Variants in SYNE1 observed in about 807,000 individuals in gnomAD.
SYNE1 encodes the protein spectrin repeat containing nuclear envelope protein 1.
A neutral mutation model predicts 1,111.0 loss-of-function variants in SYNE1; 616 were observed. That is an observed-to-expected ratio of 0.55 (90% CI 0.52 to 0.59). SYNE1 has a LOEUF of 0.59. SYNE1 is among the 20% of genes least tolerant of loss of function. The pLI, the probability that SYNE1 is intolerant of heterozygous loss-of-function variation, is 0.00. For synonymous variants in SYNE1, 3,855 were observed against 3,825.8 expected (o/e 1.01, Z -0.28); for missense variants, 10,006 against 10,417.0 (o/e 0.96, Z 1.72).
At chr6:152,622,546 G>T (rs2099677856) in intron 3 of SYNE1, among the ~76,000 whole-genome samples, 1 of 152,052 alleles carries the variant, frequency 6.6e-6, no homozygotes, top group Non-Finnish European at 1.5e-5. Context: ...GTATCAGTTT[G>T]CTAAGGATAA....
intron 53 of SYNE1, 98 bp from the exon 54 acceptor site, chr6:152,387,479 G>A: frequency 8.2e-7 from 1 of 1,222,818 alleles, no homozygotes; most frequent in Non-Finnish European, 1.2e-6. Context: ...TTGTTTTATT[G>A]AATGCTACTG....
In SYNE1 at chr6:152,428,205, C is replaced by T. The variant is rs111428582; in HGVS notation, c.4976G>A (p.Arg1659Lys). ...CAACTCAAGGAAAAGTGCTGCTCAC[C>T]TCTGCCAGTGGGCCAGCAGATTCTC... ...ALENLLAHWQRLEKELSSFLT... is the reference protein window; with the variant it reads ...ALENLLAHWQKLEKELSSFLT... The change falls in exon 37 of 146, where the codon AGG (arginine) becomes AAG (lysine). Residue 1659 changes from arginine (R) to lysine (K), a missense_variant and splice_region_variant. Arg to Lys is a conservative substitution (Grantham distance 26). Around this residue, in one of 7 missense-constraint regions of SYNE1, gnomAD observed 1,971 missense variants for 2,084.1 expected, o/e 0.95. Coordinates refer to ENST00000367255, the MANE Select transcript of SYNE1 (RefSeq NM_182961.4). The T allele has an allele frequency of 8.1e-6, 13 of 1,613,252 alleles. No individual in the cohort carries two copies. The African/African-American group carries it at 9.3e-5, about 12-fold the overall frequency.
At chr6:152,444,302 GC>G in intron 30 of SYNE1, 108 bp downstream of exon 30, 3 of 1,242,830 alleles carry the variant, frequency 2.4e-6, no homozygotes, top group South Asian at 1.2e-5. Flanking sequence ...TCCTTCCCAT[GC>G]CCCCTCACCC....
intron 22 of SYNE1, chr6:152,456,520 T>G (rs531150844): frequency 7.4e-4 from 138 of 185,960 alleles, no homozygotes; most frequent in African/African-American, 3.1e-3. Context: ...TATCCTAAAT[T>G]TATAATATTT....
intron 102 of SYNE1, among the ~76,000 whole-genome samples, chr6:152,256,294 G>T (rs1292043900): frequency 1.3e-5 from 2 of 151,772 alleles, no homozygotes; most frequent in Non-Finnish European, 1.5e-5. Flanking sequence ...GCCAGGTGTG[G>T]TGGCACACGC....
chr6:152,558,976 TTTTATTTA>T (rs76946853), intron 3 of SYNE1, among the ~76,000 whole-genome samples: 34,439 of 139,830 alleles, frequency 0.25, 4,126 homozygotes, highest in Middle Eastern at 0.31. Flanking sequence ...CATATTTAAT[TTTTATTTA>T]TTTATTTATT....
rs747955478 is a variant in SYNE1, at chr6:152,498,700, T to C, written c.939+42A>G. ...GACTAAAATGCTACAGAATGCAGGA[T>C]GTTTGAAAGAGGTCATCAATGCAAG... On this transcript the variant is annotated intron_variant, in intron 11 of 145. Coordinates refer to ENST00000367255, the MANE Select transcript of SYNE1 (RefSeq NM_182961.4). The C allele has an allele frequency of 5.9e-6, 8 of 1,357,862 alleles. No homozygotes were observed. The East Asian group carries it at 1.2e-4, about 20-fold the overall frequency. The allele number at this position is 1,357,862 out of a possible 1,614,324, so 84.1% of individuals were successfully genotyped here.
intron 137 of SYNE1, 31 bp from the exon 138 acceptor site, chr6:152,143,796 G>C (rs2058954216): frequency 1.2e-6 from 2 of 1,614,018 alleles, no homozygotes; most frequent in Non-Finnish European, 1.7e-6. Flanking sequence ...ATCTTTACTG[G>C]ACAAACTATT....
intron 87 of SYNE1, among the ~76,000 whole-genome samples, chr6:152,313,464 C>CTTTTTTT: frequency 7.4e-6 from 1 of 135,640 alleles, no homozygotes; most frequent in Non-Finnish European, 1.6e-5. Flanking sequence ...ATTTTCTTTT[C>CTTTTTTT]TTTTTTTTTT....
intron 58 of SYNE1, among the ~76,000 whole-genome samples, chr6:152,375,015 A>G (rs2097255720): frequency 6.6e-6 from 1 of 151,738 alleles, no homozygotes; most frequent in Admixed American, 6.6e-5. Context: ...ATCTTGGCTC[A>G]CTGCAATCTC....
Position 152,455,547 on chromosome 6 carries a change from G to A in SYNE1, c.2771C>T (p.Thr924Ile). 1 of 1,614,102 alleles carries A rather than the reference G, an allele frequency of 6.2e-7. No homozygotes were observed. The highest frequency in any genetic ancestry group is 1.3e-5 in the African/African-American group (1 of 75,020). Residue 924 changes from threonine to isoleucine, a missense_variant, in exon 24 of 146, where the codon ACC becomes ATC. This residue lies in a region of SYNE1 where 1,971 missense variants were observed against 2,084.1 expected (regional missense o/e 0.95). Coordinates refer to ENST00000367255, the MANE Select transcript of SYNE1 (RefSeq NM_182961.4). Reference sequence around the variant, plus strand: ...AAACTTCTTCATCAAGCGACTGTTGGTTTCCACATGCTTCTTCCAATCTCC... The same window carrying A: ...AAACTTCTTCATCAAGCGACTGTTGATTTCCACATGCTTCTTCCAATCTCC... ...KTGDWKKHVETNSRLMKKFEE... is the reference protein window; with the variant it reads ...KTGDWKKHVEINSRLMKKFEE...
In SYNE1 at chr6:152,632,883, TC is replaced by T. The variant is rs543466677; in HGVS notation, c.-224+3754del. Among the ~76,000 whole-genome samples the T allele has an allele frequency of 1.6e-3, 244 of 152,238 alleles. 1 individual carries two copies. The highest frequency in any genetic ancestry group is 5.7e-3 in the African/African-American group (237 of 41,544). Reference sequence around the variant, plus strand: ...CTAGTTTCCATTTTCCTTCCCCTGTTCCCAGTTTCTCCAGCTGCAATATGAG... The same window carrying T: ...CTAGTTTCCATTTTCCTTCCCCTGTTCCAGTTTCTCCAGCTGCAATATGAG... On this transcript the variant is annotated intron_variant, in intron 2 of 145. Transcript: ENST00000367255.
chr6:152,447,489 G>T lies in SYNE1; in HGVS notation c.3638C>A (p.Ser1213Tyr), dbSNP rs1226690928. 2 of 1,614,104 alleles carry T rather than the reference G, an allele frequency of 1.2e-6. No homozygotes were observed. Among genetic ancestry groups the T allele is most frequent in the African/African-American group, 1.3e-5 (1 of 74,952 alleles). Reference protein sequence around the residue: ...QGDELAKLSSSFKALVTLLSE... With the variant: ...QGDELAKLSSYFKALVTLLSE... ...CAGCAGCGTCACAAGAGCCTTGAAA[G>T]AGCTGGATAATTTTGCCAGCTCATC... Residue 1213 changes from serine (S) to tyrosine (Y), a missense_variant, in exon 29 of 146, where the codon TCT (serine) becomes TAT (tyrosine). By Grantham distance (144) the Ser-to-Tyr change is moderately radical (BLOSUM62 -2). Around this residue, in one of 7 missense-constraint regions of SYNE1, gnomAD observed 1,971 missense variants for 2,084.1 expected, o/e 0.95. Coordinates refer to ENST00000367255, the MANE Select transcript of SYNE1 (RefSeq NM_182961.4).
intron 95 of SYNE1, 25 bp downstream of exon 95, chr6:152,293,563 A>T: frequency 1.9e-6 from 3 of 1,613,616 alleles, no homozygotes; most frequent in Non-Finnish European, 8.5e-7. Context: ...ATCAAGTAGG[A>T]AACTGAAGTC....
intron 17 of SYNE1, 113 bp from the exon 18 acceptor site, chr6:152,465,573 G>A: frequency 1.0e-6 from 1 of 958,124 alleles, no homozygotes. Context: ...AAATGCCAGA[G>A]TTCATTTCCA....
Position 152,136,798 on chromosome 6 carries a change from G to A in SYNE1, c.25479C>T (p.Asp8493=). Reference sequence around the variant, plus strand: ...TGGAGAGGATGATGGCTTTGCGGTGGTCCACAGCTTTCTGGAGCTCCTGAA... The same window carrying A: ...TGGAGAGGATGATGGCTTTGCGGTGATCCACAGCTTTCTGGAGCTCCTGAA... ...KKLKELQKAV[D]HRKAIILSIN... Residue 8493 remains aspartate, a synonymous_variant, in exon 141 of 146, where the codon GAC becomes GAT. Coordinates refer to ENST00000367255, the MANE Select transcript of SYNE1 (RefSeq NM_182961.4). 6.2e-7 allele frequency: 1 copy of A among 1,614,156 alleles called. No homozygotes were observed. Among genetic ancestry groups the A allele is most frequent in the South Asian group, 1.1e-5 (1 of 91,082 alleles).
chr6:152,404,600 T>C (rs1339625720), intron 45 of SYNE1, among the ~76,000 whole-genome samples: 1 of 152,092 alleles, frequency 6.6e-6, no homozygotes, highest in Admixed American at 6.6e-5. Flanking sequence ...TGACCCAAAG[T>C]CTTGAGTCAG....
Position 152,135,175 on chromosome 6 carries a change from T to A in SYNE1, c.25717A>T (p.Lys8573Ter), listed in dbSNP as rs1562922141. 3 of 1,614,160 alleles carry A rather than the reference T, an allele frequency of 1.9e-6. No homozygotes were observed. Among genetic ancestry groups the A allele is most frequent in the Non-Finnish European group, 2.5e-6 (3 of 1,180,006 alleles). ...GAATCAATAGGGACAATTTCATTTT[T>A]CCTTCTGTCAATGTTCTCCAGCATA... is the stretch of plus-strand genomic sequence containing the variant. ...LLMLENIDRR[K>*]NEIVPIDSNL... Residue 8573 changes from lysine to a stop codon, truncating the protein, a stop_gained, in exon 142 of 146, where the codon AAA becomes TAA. Transcript: ENST00000367255. LOFTEE classifies it high-confidence loss of function.
chr6:152,217,571 G>T lies in SYNE1; in HGVS notation c.22191+686C>A, dbSNP rs543277429. ...GGTCATTCTGACAGCCAGGAGGAGG[G>T]GAGGTTGGGTGAATGGATGCAGATC... On this transcript the variant is annotated intron_variant, in intron 121 of 145. Coordinates refer to ENST00000367255, the MANE Select transcript of SYNE1 (RefSeq NM_182961.4). 2.6e-5 allele frequency among the ~76,000 whole-genome samples: 4 copies of T among 152,220 alleles called. No individual in the cohort carries two copies. The East Asian group carries it at 7.7e-4, about 29-fold the overall frequency.
Sources: allele counts gnomAD v4.1 joint callset (sites outside exome capture counted in the v4.1 genomes callset), GRCh38; gene constraint gnomAD v4.1.1; regional missense constraint gnomAD v4.1.1; transcripts MANE v1.5; gene names NCBI Gene and HGNC (gene_info 2026-07-23, HGNC 2026-07-21).